The following FSTL5 variants were observed in gnomAD, a reference collection of about 807,000 sequenced individuals.
FSTL5 encodes follistatin-related protein 5.
Under a neutral mutation model 89.1 loss-of-function variants are expected in FSTL5, and 62 were observed. That is an observed-to-expected ratio of 0.70 (90% CI 0.57 to 0.86). FSTL5 has a LOEUF of 0.86. Among genes scored for constraint, FSTL5 ranks in the 40% least tolerant of loss-of-function variants. FSTL5 has a pLI of 0.00. For missense variants in FSTL5, 1,057 were observed against 1,001.6 expected, an observed-to-expected ratio of 1.06 and a Z score of -0.75; for synonymous variants, 383 against 346.2, an observed-to-expected ratio of 1.11 and a Z score of -1.18.
chr4:162,051,213 A>C (rs1738369296), intron 2 of FSTL5, among the ~76,000 whole-genome samples: 1 of 151,522 alleles, frequency 6.6e-6, no homozygotes, highest in African/African-American at 2.4e-5. Flanking sequence ...ATTGGGGGGA[A>C]TATATCTGTA....
At chr4:161,573,553 T>TG (rs68066544) in intron 8 of FSTL5, among the ~76,000 whole-genome samples, 130,124 of 150,330 alleles carry the variant, frequency 0.87, 56,798 homozygotes, top group Non-Finnish European at 0.9. Context: ...CTGACCAACA[T>TG]GAGAAACCCG....
chr4:161,696,496 G>A (rs576510041), intron 6 of FSTL5, among the ~76,000 whole-genome samples: 2 of 152,098 alleles, frequency 1.3e-5, no homozygotes, highest in South Asian at 2.1e-4. Context: ...AGAATAATGG[G>A]GTATTTTGAT....
chr4:161,780,092 A>T (rs896111330), intron 4 of FSTL5, among the ~76,000 whole-genome samples: 2 of 149,352 alleles, frequency 1.3e-5, no homozygotes, highest in Admixed American at 6.7e-5. Context: ...GTAACTTTAA[A>T]GAAAAATGCT....
At chr4:161,569,557 G>C (rs1369848420) in intron 8 of FSTL5, among the ~76,000 whole-genome samples, 1 of 152,118 alleles carries the variant, frequency 6.6e-6, no homozygotes, top group Non-Finnish European at 1.5e-5. Context: ...AATTGGGTTT[G>C]CTCAAGATAC....
chr4:161,462,725 T>C (rs1733623745), intron 13 of FSTL5, among the ~76,000 whole-genome samples: 1 of 151,492 alleles, frequency 6.6e-6, no homozygotes, highest in African/African-American at 2.4e-5. Flanking sequence ...CTACTACTAC[T>C]ACCATTAGAA....
At chr4:161,682,302 G>C (rs1247600702) in intron 6 of FSTL5, among the ~76,000 whole-genome samples, 23 of 152,018 alleles carry the variant, frequency 1.5e-4, no homozygotes, top group Admixed American at 1.5e-3. Context: ...GTTACACAAA[G>C]TTAATTAAAA....
chr4:162,143,746 A>ACCC (rs869104453), intron 1 of FSTL5, among the ~76,000 whole-genome samples: 2 of 4,970 alleles, frequency 4.0e-4, no homozygotes, highest in African/African-American at 7.0e-4. Flanking sequence ...ACACACACAC[A>ACCC]CACCCAGGAA....
At chr4:161,576,206 G>A (rs763801140) in intron 8 of FSTL5, among the ~76,000 whole-genome samples, 1 of 152,138 alleles carries the variant, frequency 6.6e-6, no homozygotes, top group Non-Finnish European at 1.5e-5. Flanking sequence ...CATGCTCATA[G>A]ATAGGAAGAA....
chr4:161,954,952 G>T (rs1283956703), intron 3 of FSTL5, among the ~76,000 whole-genome samples: 1 of 151,500 alleles, frequency 6.6e-6, no homozygotes, highest in Non-Finnish European at 1.5e-5. Flanking sequence ...ATACAATAAA[G>T]TAATAATGAC....
intron 6 of FSTL5, among the ~76,000 whole-genome samples, chr4:161,732,542 T>C (rs1387226795): frequency 6.6e-6 from 1 of 152,036 alleles, no homozygotes; most frequent in East Asian, 1.9e-4. Flanking sequence ...TTAGTAATTT[T>C]TATATATAAT....
intron 5 of FSTL5, among the ~76,000 whole-genome samples, chr4:161,771,064 T>C (rs1190902972): frequency 6.6e-6 from 1 of 152,070 alleles, no homozygotes; most frequent in African/African-American, 2.4e-5. Context: ...GGACAATTAT[T>C]TTATTATAAA....
At chr4:162,025,624 C>A (rs1008383696) in intron 3 of FSTL5, among the ~76,000 whole-genome samples, 7 of 151,978 alleles carry the variant, frequency 4.6e-5, no homozygotes, top group Admixed American at 2.0e-4. Flanking sequence ...ATTTAAGAAA[C>A]AATGACATAA....
intron 3 of FSTL5, among the ~76,000 whole-genome samples, chr4:162,015,839 A>C (rs968438479): frequency 1.6e-4 from 25 of 152,162 alleles, no homozygotes; most frequent in African/African-American, 6.0e-4. Context: ...TCTCTGGTTT[A>C]AAGGAAAGTT....
intron 2 of FSTL5, among the ~76,000 whole-genome samples, chr4:162,045,695 C>T (rs1422542496): frequency 1.3e-5 from 2 of 152,074 alleles, no homozygotes; most frequent in East Asian, 3.9e-4. Context: ...ACGAACCTTC[C>T]ATTTATAAAA....
intron 2 of FSTL5, among the ~76,000 whole-genome samples, chr4:162,102,012 T>C (rs1351525927): frequency 6.6e-6 from 1 of 152,170 alleles, no homozygotes; most frequent in East Asian, 1.9e-4. Context: ...CAGAGGCCTC[T>C]TGAAAACAAC....
chr4:161,805,108 A>G (rs911842571), intron 4 of FSTL5, among the ~76,000 whole-genome samples: 1 of 152,106 alleles, frequency 6.6e-6, no homozygotes, highest in Non-Finnish European at 1.5e-5. Context: ...TTCACCTAAC[A>G]TCTTTGACTC....
chr4:162,031,292 G>T, intron 3 of FSTL5, among the ~76,000 whole-genome samples: 1 of 152,084 alleles, frequency 6.6e-6, no homozygotes, highest in Non-Finnish European at 1.5e-5. Context: ...AATAAATGAA[G>T]TTAACAAATA....
chr4:161,390,903 A>C (rs1275784729), intron 15 of FSTL5, among the ~76,000 whole-genome samples: 2 of 152,140 alleles, frequency 1.3e-5, no homozygotes, highest in Non-Finnish European at 2.9e-5. Context: ...ATCTCCATAC[A>C]AACAGCTGGG....
At chr4:161,637,631 G>A (rs1366897166) in intron 7 of FSTL5, among the ~76,000 whole-genome samples, 1 of 118,886 alleles carries the variant, frequency 8.4e-6, no homozygotes, top group Non-Finnish European at 1.7e-5. Context: ...ATCTTGAATT[G>A]ATTTTTGTAT....
Sources: allele counts gnomAD v4.1 joint callset (sites outside exome capture counted in the v4.1 genomes callset), GRCh38; gene constraint gnomAD v4.1.1; transcripts MANE v1.5; gene names NCBI Gene and HGNC (gene_info 2026-07-23, HGNC 2026-07-21).